The following MIGA1 variants were observed in gnomAD, a reference collection of about 807,000 sequenced individuals.
The protein encoded by MIGA1 is mitoguardin 1.
MIGA1 carries 58 observed loss-of-function variants against 82.0 expected under a neutral mutation model. The observed-to-expected ratio is 0.71, with a 90% confidence interval of 0.57 to 0.88. The LOEUF (loss-of-function observed/expected upper bound fraction) is 0.88. MIGA1 is among the 40% of genes least tolerant of loss of function. The probability of loss-of-function intolerance (pLI) is 0.00; values close to 1 mark genes in which losing one functional copy is unlikely to be tolerated. For synonymous variants in MIGA1, 249 were observed against 253.6 expected, an observed-to-expected ratio of 0.98 and a Z score of 0.17; for missense variants, 751 against 749.1, an observed-to-expected ratio of 1.00 and a Z score of -0.03.
intron 3 of MIGA1, 138 bp from the exon 4 acceptor site, chr1:77,803,132 A>G (rs1682952729): frequency 2.4e-6 from 1 of 421,748 alleles, no homozygotes; most frequent in Non-Finnish European, 4.1e-6. Context: ...TGTACATGTA[A>G]TAATTTACAC....
At chr1:77,874,817 A>C in intron 15 of MIGA1, 29 bp from the exon 16 acceptor site, 1 of 1,560,786 alleles carries the variant, frequency 6.4e-7, no homozygotes, top group Non-Finnish European at 8.8e-7. Context: ...TTTTGGTCTA[A>C]TAAATGCCAA....
At chr1:77,802,710 C>T (rs373213284) in intron 3 of MIGA1, among the ~76,000 whole-genome samples, 2 of 151,504 alleles carry the variant, frequency 1.3e-5, no homozygotes, top group African/African-American at 4.9e-5. Context: ...TGACCCAGGA[C>T]GTCAGTGCTG....
chr1:77,808,861 A>G (rs983869853), intron 5 of MIGA1, among the ~76,000 whole-genome samples: 3 of 152,202 alleles, frequency 2.0e-5, no homozygotes, highest in South Asian at 2.1e-4. Context: ...GGGTATTCCT[A>G]TGGGGAAAGA....
chr1:77,851,931 T>C lies in MIGA1; in HGVS notation c.997-7007T>C, dbSNP rs545834325. 6.7e-5 allele frequency among the ~76,000 whole-genome samples: 10 copies of C among 148,910 alleles called. No individual in the cohort carries two copies. The East Asian group carries it at 2.0e-3, about 29-fold the overall frequency. ...TTACTCTGTCACTCAGGTTGGAGTG[T>C]AGTGGTGTGATCTCAGCTCACTGCA... On this transcript the variant is annotated intron_variant, in intron 8 of 15. Coordinates refer to ENST00000370791, the MANE Select transcript of MIGA1 (RefSeq NM_198549.4).
chr1:77,804,836 C>T (rs2101761519), intron 4 of MIGA1, among the ~76,000 whole-genome samples: 1 of 151,980 alleles, frequency 6.6e-6, no homozygotes, highest in East Asian at 1.9e-4. Context: ...ACTATGTTGG[C>T]TAGGCTGGTC....
chr1:77,780,071 A>G (rs1681835865), intron 1 of MIGA1: 1 of 1,070,024 alleles, frequency 9.3e-7, no homozygotes, highest in Non-Finnish European at 1.1e-6. Context: ...AGCCAGAGGA[A>G]GGGTCTGGAC....
At chr1:77,847,634 G>T in intron 8 of MIGA1, 5 of 1,556,128 alleles carry the variant, frequency 3.2e-6, no homozygotes, top group Non-Finnish European at 4.4e-6. Context: ...GGGCTGCTGC[G>T]CTGGAAGCGT....
chr1:77,872,476 G>A (rs548244954), intron 14 of MIGA1, among the ~76,000 whole-genome samples: 2 of 152,128 alleles, frequency 1.3e-5, no homozygotes, highest in African/African-American at 4.8e-5. Context: ...TGGCGTGCAC[G>A]TGTGGTTCCA....
chr1:77,792,261 T>G (rs1207004655), intron 2 of MIGA1, among the ~76,000 whole-genome samples: 1 of 152,214 alleles, frequency 6.6e-6, no homozygotes, highest in East Asian at 1.9e-4. Flanking sequence ...TCTCGAATTA[T>G]TGTCTGCCTG....
intron 1 of MIGA1, 92 bp from the exon 2 acceptor site, chr1:77,783,146 C>A: frequency 1.3e-6 from 1 of 775,272 alleles, no homozygotes; most frequent in Non-Finnish European, 2.0e-6. Flanking sequence ...CAAAAATAAG[C>A]TGATAGAATT....
intron 8 of MIGA1, among the ~76,000 whole-genome samples, chr1:77,849,752 G>T (rs770104724): frequency 6.6e-6 from 1 of 151,826 alleles, no homozygotes. Context: ...AAGTATGAAG[G>T]CATGGCCGTC....
rs1362617932 is a variant in MIGA1 at position 77,779,744 on chromosome 1, G to C, written c.81+8G>C. On this transcript the variant is annotated splice_region_variant and intron_variant, in intron 1 of 15. Transcript: ENST00000370791. ...CCTGGCCTGGAGCTCCAGGTACAGGGCCAGGGGCGGGGTGGGGTGGAGAGG... is the reference window on the plus strand; with the variant it reads ...CCTGGCCTGGAGCTCCAGGTACAGGCCCAGGGGCGGGGTGGGGTGGAGAGG... The C allele has an allele frequency of 7.1e-6, 11 of 1,555,678 alleles. No homozygotes were observed. In the South Asian group the frequency reaches 1.2e-4, roughly 17 times the overall value.
At chr1:77,808,004 G>C (rs912974416) in intron 5 of MIGA1, among the ~76,000 whole-genome samples, 1 of 152,030 alleles carries the variant, frequency 6.6e-6, no homozygotes, top group East Asian at 1.9e-4. Context: ...ATTTTTAGTA[G>C]AGATGGGGTT....
chr1:77,787,053 A>G (rs1465701751), intron 2 of MIGA1, among the ~76,000 whole-genome samples: 1 of 152,218 alleles, frequency 6.6e-6, no homozygotes, highest in Non-Finnish European at 1.5e-5. Context: ...GGTGAAAGGC[A>G]CGTCTCACAT....
At chr1:77,858,913 C>T in intron 8 of MIGA1, 25 bp from the exon 9 acceptor site, 2 of 1,375,296 alleles carry the variant, frequency 1.5e-6, no homozygotes, top group Non-Finnish European at 2.1e-6. Flanking sequence ...AGCCTGTATT[C>T]TGTTCTAACC....
chr1:77,863,280 T>C (rs74092316), intron 12 of MIGA1, among the ~76,000 whole-genome samples: 2,713 of 152,350 alleles, frequency 0.018, 93 homozygotes, highest in African/African-American at 0.062. Context: ...ATCAGTAGTC[T>C]TTATATTTCC....
chr1:77,857,726 G>GTT (rs766194564), intron 8 of MIGA1, among the ~76,000 whole-genome samples: 3,551 of 110,926 alleles, frequency 0.032, 85 homozygotes, highest in Middle Eastern at 0.058. Context: ...CTGGGTTGTT[G>GTT]TTTTTTTTTT....
Position 77,875,094 on chromosome 1 carries a change from G to A in MIGA1, c.*30G>A. 6.6e-7 allele frequency: 1 copy of A among 1,514,828 alleles called. No homozygotes were observed. Among genetic ancestry groups the A allele is most frequent in the African/African-American group, 1.4e-5 (1 of 72,766 alleles). The allele number at this position is 1,514,828 out of a possible 1,614,324, so 93.8% of individuals were successfully genotyped here. On this transcript the variant is annotated 3_prime_UTR_variant, in exon 16 of 16. Coordinates refer to ENST00000370791, the MANE Select transcript of MIGA1 (RefSeq NM_198549.4). Reference sequence around the variant, plus strand: ...CATAAGAATCATACAATTTGAGTGTGCTATGAAATATTTTAAGGTAACTAT... The same window carrying A: ...CATAAGAATCATACAATTTGAGTGTACTATGAAATATTTTAAGGTAACTAT...
intron 14 of MIGA1, chr1:77,868,516 T>C (rs986679988): frequency 5.9e-5 from 9 of 152,392 alleles, no homozygotes; most frequent in African/African-American, 2.2e-4. Flanking sequence ...CCTGAGCCAC[T>C]GCGCCCAACC....
Sources: gnomAD v4.1 joint callset for allele counts (sites outside exome capture counted in the v4.1 genomes callset) on GRCh38, gnomAD v4.1.1 for gene constraint, MANE v1.5 for transcripts, NCBI Gene and HGNC (gene_info 2026-07-23, HGNC 2026-07-21) for gene names.